Variants in HPSE2 observed in about 807,000 individuals in gnomAD.
HPSE2 encodes the protein heparanase 2 (inactive), also known as inactive heparanase-2.
In HPSE2, 38 loss-of-function variants were observed where a neutral mutation model predicts 60.5. The ratio of observed to expected loss-of-function variants is 0.63; its 90% CI spans 0.48 to 0.82. HPSE2 has a LOEUF of 0.82. HPSE2 is among the 40% of genes least tolerant of loss of function. The probability of loss-of-function intolerance (pLI) is 0.00; values close to 1 mark genes in which losing one functional copy is unlikely to be tolerated. For missense variants in HPSE2, 713 were observed against 740.4 expected (o/e 0.96, Z 0.43); for synonymous variants, 295 against 293.2 (o/e 1.01, Z -0.06).
At chr10:99,011,426 C>T (rs918437548) in intron 3 of HPSE2, among the ~76,000 whole-genome samples, 8 of 151,452 alleles carry the variant, frequency 5.3e-5, no homozygotes, top group African/African-American at 9.7e-5. Flanking sequence ...TATGCTAAAA[C>T]GTATCAGTTT....
At chr10:98,601,422 T>C (rs1945422198) in intron 9 of HPSE2, among the ~76,000 whole-genome samples, 1 of 152,152 alleles carries the variant, frequency 6.6e-6, no homozygotes, top group Admixed American at 6.5e-5. Flanking sequence ...GAGTAGCTGA[T>C]GGAGTGGCAT....
chr10:98,879,852 C>CGCGTGTGTGT (rs1554835527), intron 3 of HPSE2, among the ~76,000 whole-genome samples: 1 of 145,676 alleles, frequency 6.9e-6, no homozygotes, highest in South Asian at 2.2e-4. Context: ...TGTGCATGTG[C>CGCGTGTGTGT]GTGTGTGTGT....
chr10:99,183,556 C>A (rs931103973), intron 2 of HPSE2, among the ~76,000 whole-genome samples: 2 of 152,182 alleles, frequency 1.3e-5, no homozygotes, highest in Non-Finnish European at 2.9e-5. Context: ...TTCCTGTTTT[C>A]TTACACATTG....
chr10:98,943,788 A>G (rs1033349095), intron 3 of HPSE2, among the ~76,000 whole-genome samples: 2 of 152,086 alleles, frequency 1.3e-5, no homozygotes, highest in Admixed American at 6.6e-5. Context: ...AAACCATGGG[A>G]ATGATTTTCT....
chr10:99,113,791 G>T (rs1449827894), intron 3 of HPSE2, among the ~76,000 whole-genome samples: 1 of 151,508 alleles, frequency 6.6e-6, no homozygotes, highest in Non-Finnish European at 1.5e-5. Context: ...AGAGGTACAA[G>T]TGCAGTTGTG....
intron 3 of HPSE2, among the ~76,000 whole-genome samples, chr10:99,016,767 A>G: frequency 6.6e-6 from 1 of 151,846 alleles, no homozygotes; most frequent in East Asian, 1.9e-4. Context: ...CTGCATTCTT[A>G]GGTATTTTGT....
chr10:98,473,106 G>T (rs1227009842), intron 11 of HPSE2, among the ~76,000 whole-genome samples: 1 of 152,132 alleles, frequency 6.6e-6, no homozygotes, highest in Non-Finnish European at 1.5e-5. Flanking sequence ...ACTATATTGT[G>T]TTAGTGAGGT....
intron 3 of HPSE2, among the ~76,000 whole-genome samples, 174 bp downstream of exon 3, chr10:99,144,064 C>A (rs1244413866): frequency 2.0e-5 from 3 of 152,164 alleles, no homozygotes; most frequent in Non-Finnish European, 4.4e-5. Flanking sequence ...TGCTGAATCA[C>A]CCATAACTTC....
At chr10:99,035,420 T>C (rs1957588257) in intron 3 of HPSE2, among the ~76,000 whole-genome samples, 1 of 152,210 alleles carries the variant, frequency 6.6e-6, no homozygotes, top group Non-Finnish European at 1.5e-5. Flanking sequence ...CATGGAGCTG[T>C]CATCTCCTAT....
chr10:98,933,203 G>C (rs1014635566), intron 3 of HPSE2, among the ~76,000 whole-genome samples: 1 of 138,782 alleles, frequency 7.2e-6, no homozygotes, highest in Non-Finnish European at 1.5e-5. Flanking sequence ...CTTGATTTCT[G>C]CCTTAATTTC....
chr10:99,075,536 C>T (rs1489677491), intron 3 of HPSE2, among the ~76,000 whole-genome samples: 1 of 152,126 alleles, frequency 6.6e-6, no homozygotes, highest in Non-Finnish European at 1.5e-5. Context: ...ATGTGTGTTA[C>T]GTCCATTTGG....
At position 99,031,783 on chromosome 10, in the gene HPSE2, T is replaced by C. The variant is rs895405924; in HGVS notation, c.610+112455A>G. ...ACAGCAGGAAAGACTGTGAAAGTCC[T>C]CAACCACATTGATAAACAGTTAAGT... On this transcript the variant is annotated intron_variant, in intron 3 of 11. Coordinates refer to ENST00000370552, the MANE Select transcript of HPSE2 (RefSeq NM_021828.5). Among the ~76,000 whole-genome samples, 7 of 152,318 alleles carry C rather than the reference T, an allele frequency of 4.6e-5. No homozygotes were observed. In the East Asian group the frequency reaches 1.3e-3, roughly 29 times the overall value.
chr10:98,978,261 G>C (rs981397575), intron 3 of HPSE2, among the ~76,000 whole-genome samples: 3 of 151,936 alleles, frequency 2.0e-5, no homozygotes, highest in African/African-American at 7.2e-5. Context: ...CTATGGTTTC[G>C]AAGGAATCAT....
Position 98,483,857 on chromosome 10 carries a change from G to T in HPSE2, c.1467-1075C>A, listed in dbSNP as rs114448413. Among the ~76,000 whole-genome samples the T allele has an allele frequency of 2.5e-3, 385 of 152,254 alleles. 2 individuals carry two copies. The highest frequency in any genetic ancestry group is 8.8e-3 in the African/African-American group (365 of 41,540). ...TTCTTATTGAAAGCCTTGGAGATTT[G>T]GGGGCTATTCATTATTGCAGCATAA... On this transcript the variant is annotated intron_variant, in intron 10 of 11. Coordinates refer to ENST00000370552, the MANE Select transcript of HPSE2 (RefSeq NM_021828.5).
At chr10:98,618,512 C>G (rs1215474263) in intron 8 of HPSE2, among the ~76,000 whole-genome samples, 1 of 152,210 alleles carries the variant, frequency 6.6e-6, no homozygotes, top group Admixed American at 6.5e-5. Context: ...CATTGACACC[C>G]TGGCTTCTCA....
chr10:99,131,010 G>A (rs547432899), intron 3 of HPSE2, among the ~76,000 whole-genome samples: 5 of 152,256 alleles, frequency 3.3e-5, no homozygotes, highest in Middle Eastern at 3.4e-3. Flanking sequence ...TCTAAAAACA[G>A]AGTTAGTAAA....
intron 3 of HPSE2, among the ~76,000 whole-genome samples, chr10:98,794,147 T>C (rs1284558814): frequency 6.6e-6 from 1 of 152,206 alleles, no homozygotes; most frequent in Non-Finnish European, 1.5e-5. Context: ...GAATATATTT[T>C]ATCTAATTTA....
At chr10:98,901,295 T>C (rs1354489352) in intron 3 of HPSE2, among the ~76,000 whole-genome samples, 4 of 152,184 alleles carry the variant, frequency 2.6e-5, no homozygotes, top group Non-Finnish European at 5.9e-5. Flanking sequence ...AGTTACATGG[T>C]TGTATAAATT....
intron 9 of HPSE2, among the ~76,000 whole-genome samples, chr10:98,614,367 A>G (rs1177218045): frequency 2.0e-5 from 3 of 149,284 alleles, no homozygotes; most frequent in Non-Finnish European, 4.4e-5. Flanking sequence ...ATCTCGGCTC[A>G]CTGCAAGCTC....
Sources: allele counts gnomAD v4.1 joint callset (sites outside exome capture counted in the v4.1 genomes callset), GRCh38; gene constraint gnomAD v4.1.1; transcripts MANE v1.5; gene names NCBI Gene and HGNC (gene_info 2026-07-23, HGNC 2026-07-21).